TESC: variants seen among roughly 807,000 people sequenced by gnomAD.
The protein encoded by TESC is calcineurin B homologous protein 3.
A neutral mutation model predicts 31.0 loss-of-function variants in TESC; 19 were observed. The observed-to-expected ratio is 0.61, with a 90% CI of 0.43 to 0.90. TESC has a LOEUF of 0.90. Among genes scored for constraint, TESC ranks in the 40% least tolerant of loss-of-function variants. TESC has a pLI of 0.00. For synonymous variants in TESC, 109 were observed against 114.8 expected (o/e 0.95, Z 0.32); for missense variants, 248 against 303.8 (o/e 0.82, Z 1.36).
intron 2 of TESC, among the ~76,000 whole-genome samples, chr12:117,066,829 G>T (rs1488904890): frequency 1.3e-5 from 2 of 152,120 alleles, no homozygotes; most frequent in Non-Finnish European, 2.9e-5. Context: ...AACCCATCAC[G>T]GAAGGCCCTG....
chr12:117,056,398 G>A (rs756420727), intron 3 of TESC, among the ~76,000 whole-genome samples: 19 of 136,880 alleles, frequency 1.4e-4, no homozygotes, highest in South Asian at 2.9e-4. Context: ...TTAGAAACAG[G>A]GTCTCACTCT....
chr12:117,096,959 T>C (rs538870015), intron 1 of TESC, among the ~76,000 whole-genome samples: 1 of 152,276 alleles, frequency 6.6e-6, no homozygotes, highest in South Asian at 2.1e-4. Context: ...AGGGAGGACC[T>C]CCGGATCCAC....
intron 2 of TESC, among the ~76,000 whole-genome samples, chr12:117,070,835 G>A (rs1361444348): frequency 6.6e-6 from 1 of 152,118 alleles, no homozygotes; most frequent in Non-Finnish European, 1.5e-5. Context: ...GCCAGGTGTG[G>A]TGGCACACAC....
chr12:117,094,734 C>T (rs192692406), intron 1 of TESC, among the ~76,000 whole-genome samples: 3 of 152,020 alleles, frequency 2.0e-5, no homozygotes, highest in Admixed American at 6.5e-5. Flanking sequence ...ACAGGGTTAA[C>T]GCTGTGCGCG....
At chr12:117,057,967 C>T (rs1954750048) in intron 2 of TESC, among the ~76,000 whole-genome samples, 1 of 152,186 alleles carries the variant, frequency 6.6e-6, no homozygotes, top group Non-Finnish European at 1.5e-5. Flanking sequence ...CACCTGTAAT[C>T]CCAGCACTGT....
At chr12:117,098,134 GC>G (rs1234009545) in intron 1 of TESC, among the ~76,000 whole-genome samples, 1 of 152,178 alleles carries the variant, frequency 6.6e-6, no homozygotes, top group Non-Finnish European at 1.5e-5. Context: ...AAACAGCTGG[GC>G]CACCCTCTCT....
intron 4 of TESC, among the ~76,000 whole-genome samples, chr12:117,047,091 C>T (rs1284253795): frequency 6.6e-6 from 1 of 152,200 alleles, no homozygotes; most frequent in Non-Finnish European, 1.5e-5. Context: ...TACCTCGTGG[C>T]CTTAGGAGGG....
intron 3 of TESC, 112 bp downstream of exon 3, chr12:117,056,694 G>A: frequency 3.4e-6 from 4 of 1,187,610 alleles, no homozygotes; most frequent in Non-Finnish European, 5.0e-6. Context: ...ACCCAGCTTG[G>A]CCCCCTCTTC....
At chr12:117,093,945 G>C (rs1294216158) in intron 1 of TESC, among the ~76,000 whole-genome samples, 2 of 152,072 alleles carry the variant, frequency 1.3e-5, no homozygotes, top group South Asian at 2.1e-4. Flanking sequence ...ACACGGATGG[G>C]GGGGACAGGA....
At chr12:117,046,749 C>T (rs895553119) in intron 5 of TESC, 28 bp downstream of exon 5, 15 of 1,556,268 alleles carry the variant, frequency 9.6e-6, no homozygotes, top group Admixed American at 7.8e-5. Context: ...ACCAGGAGCC[C>T]CGGGCGGGCC....
chr12:117,086,480 G>A (rs1488491326), intron 1 of TESC, among the ~76,000 whole-genome samples: 1 of 152,110 alleles, frequency 6.6e-6, no homozygotes, highest in African/African-American at 2.4e-5. Context: ...CCAGGTGGAT[G>A]GAGTGCAGTG....
chr12:117,054,756 A>C (rs1357307763), intron 3 of TESC, among the ~76,000 whole-genome samples: 1 of 152,110 alleles, frequency 6.6e-6, no homozygotes, highest in Non-Finnish European at 1.5e-5. Flanking sequence ...AAGACCCATC[A>C]GGGAAGCCCC....
At chr12:117,044,905 AAG>A (rs1592991114) in intron 6 of TESC, among the ~76,000 whole-genome samples, 2 of 129,870 alleles carry the variant, frequency 1.5e-5, no homozygotes, top group East Asian at 4.7e-4. Context: ...TCGGGAAAAA[AAG>A]AAAAAAAAGA....
chr12:117,077,165 C>G lies in TESC; in HGVS notation c.59-1825G>C, dbSNP rs142031419. Reference sequence around the variant, plus strand: ...GTATTCTCAAGCATCTCCAGCAGCTCGTTAAGGCTGTCAACCCAGACTGAG... The same window carrying G: ...GTATTCTCAAGCATCTCCAGCAGCTGGTTAAGGCTGTCAACCCAGACTGAG... On this transcript the variant is annotated intron_variant, in intron 1 of 7. Transcript: ENST00000335209. 2.6e-3 allele frequency among the ~76,000 whole-genome samples: 395 copies of G among 152,304 alleles called. 3 individuals carry two copies. Among genetic ancestry groups the G allele is most frequent in the African/African-American group, 9.4e-3 (389 of 41,556 alleles).
intron 6 of TESC, among the ~76,000 whole-genome samples, chr12:117,045,912 T>A (rs2135748254): frequency 6.6e-6 from 1 of 152,210 alleles, no homozygotes; most frequent in East Asian, 1.9e-4. Flanking sequence ...GCTGCACCTG[T>A]CCTTACAAGA....
intron 3 of TESC, among the ~76,000 whole-genome samples, chr12:117,054,510 C>G (rs1456918508): frequency 6.6e-6 from 1 of 152,146 alleles, no homozygotes; most frequent in Non-Finnish European, 1.5e-5. Flanking sequence ...ACACAGTTCC[C>G]ATCGCCTGGA....
In TESC at chr12:117,041,999, G is replaced by T; in HGVS notation, c.520-5C>A. ...CTCGTACACCTGATCAGGCTCCTGG[G>T]GACGGAAGCACAGGGTGGACAGTGA... On this transcript the variant is annotated splice_region_variant and splice_polypyrimidine_tract_variant and intron_variant, in intron 6 of 7. Coordinates refer to ENST00000335209, the MANE Select transcript of TESC (RefSeq NM_017899.4). The T allele has an allele frequency of 6.3e-7, 1 of 1,592,808 alleles. No homozygotes were observed. The highest frequency in any genetic ancestry group is 1.1e-5 in the South Asian group (1 of 87,312).
chr12:117,046,488 G>A, intron 6 of TESC, 71 bp downstream of exon 6: 1 of 1,428,064 alleles, frequency 7.0e-7, no homozygotes, highest in South Asian at 1.4e-5. Context: ...TGCCCCATGA[G>A]GCCTTCCAGA....
At chr12:117,075,875 GTATATA>G (rs528031954) in intron 1 of TESC, among the ~76,000 whole-genome samples, 7,925 of 62,330 alleles carry the variant, frequency 0.13, 726 homozygotes, top group Admixed American at 0.26. Flanking sequence ...ATATATGTGT[GTATATA>G]TATATATATA....
Sources: gnomAD v4.1 joint callset for allele counts (sites outside exome capture counted in the v4.1 genomes callset) on GRCh38, gnomAD v4.1.1 for gene constraint, MANE v1.5 for transcripts, NCBI Gene and HGNC (gene_info 2026-07-23, HGNC 2026-07-21) for gene names.